The following MYO15A variants were observed in gnomAD, a reference collection of about 807,000 sequenced individuals.
MYO15A encodes the protein myosin XVA, also known as unconventional myosin-XV.
In MYO15A, 308 loss-of-function variants were observed where a neutral mutation model predicts 394.6. That is an observed-to-expected ratio of 0.78 (90% CI 0.71 to 0.86). MYO15A has a LOEUF of 0.86. Ranked by LOEUF, MYO15A falls within the 40% of genes least tolerant of loss-of-function variation. MYO15A has a pLI of 0.00. For synonymous variants in MYO15A, 1,957 were observed against 2,003.8 expected (o/e 0.98, Z 0.62); for missense variants, 4,606 against 4,799.1 (o/e 0.96, Z 1.19).
rs2046361125 is a variant in MYO15A at position 18,140,616 on chromosome 17, G to A, written c.5311G>A (p.Ala1771Thr). ...TCGGCTCTACAAGGCGCACACTGTG[G>A]CCGCCAAGTTCCAGCAGTCACTCCT... is the stretch of plus-strand genomic sequence containing the variant. Reference protein sequence around the residue: ...VTRLYKAHTVAAKFQQSLLDL... With the variant: ...VTRLYKAHTVTAKFQQSLLDL... The change falls in exon 20 of 66, where the codon GCC becomes ACC. Residue 1771 changes from alanine to threonine, a missense_variant. Transcript: ENST00000647165. 1 of 1,613,806 alleles carries A rather than the reference G, an allele frequency of 6.2e-7. No homozygotes were observed.
chr17:18,171,490 C>G, intron 62 of MYO15A, 148 bp from the exon 63 acceptor site: 1 of 1,210,260 alleles, frequency 8.3e-7, no homozygotes, highest in Non-Finnish European at 1.2e-6. Context: ...GGCACCTCTA[C>G]CCCACTTTCA....
rs560062005 is a variant in MYO15A at position 18,121,923 on chromosome 17, C to G, written c.3123C>G (p.Pro1041=). ...TPAPPKDVTP[P]KDITPPKDVL... ...CACCTCCCAAGGATGTCACTCCCCC[C>G]AAGGATATCACTCCCCCCAAGGATG... The change falls in exon 2 of 66, where the codon CCC becomes CCG. Residue 1041 remains proline (P), a synonymous_variant. Coordinates refer to ENST00000647165, the MANE Select transcript of MYO15A (RefSeq NM_016239.4). This position sits in a 1 kb window ranked among gnomAD's most constrained non-coding sequence, Gnocchi z 5.3. 6.2e-7 allele frequency: 1 copy of G among 1,613,274 alleles called. No individual in the cohort carries two copies. Among genetic ancestry groups the G allele is most frequent in the East Asian group, 2.2e-5 (1 of 44,852 alleles).
chr17:18,148,310 A>C lies in MYO15A; in HGVS notation c.6691+100A>C. ...GCCACTGGATGTTCTGGAGCTGGGGAGGGGCCTTCTCAGATGTGGCTCTGC... is the reference window on the plus strand; with the variant it reads ...GCCACTGGATGTTCTGGAGCTGGGGCGGGGCCTTCTCAGATGTGGCTCTGC... On this transcript the variant is annotated intron_variant, in intron 31 of 65. Transcript: ENST00000647165. The surrounding 1 kb of genome is among the most constrained non-coding windows in gnomAD (Gnocchi z 4.8). 4 of 1,533,702 alleles carry C rather than the reference A, an allele frequency of 2.6e-6. No homozygotes were observed. In the South Asian group the frequency reaches 3.5e-5, roughly 13 times the overall value.
At chr17:18,140,941 T>G in intron 21 of MYO15A, 78 bp from the exon 22 acceptor site, 2 of 1,612,752 alleles carry the variant, frequency 1.2e-6, no homozygotes, top group Non-Finnish European at 1.7e-6. Flanking sequence ...AGCCTAGCAC[T>G]GGGAATATTC....
In MYO15A at chr17:18,154,190, G is replaced by C; in HGVS notation, c.8148G>C (p.Gln2716His). The C allele has an allele frequency of 6.2e-7, 1 of 1,613,996 alleles. No individual in the cohort carries two copies. The highest frequency in any genetic ancestry group is 8.5e-7 in the Non-Finnish European group (1 of 1,180,032). The change falls in exon 44 of 66, where the codon CAG becomes CAC. Residue 2716 changes from glutamine (Q) to histidine (H), a missense_variant and splice_region_variant. Coordinates refer to ENST00000647165, the MANE Select transcript of MYO15A (RefSeq NM_016239.4). ...HPVQLDLLFR[Q>H]ILHDTLSEAC... is the part of the protein sequence containing the mutation. ...TGCAGCTTGACCTCCTGTTCCGGCA[G>C]GTGAGGTCCTGTCTCCCCTTTCTGC...
intron 61 of MYO15A, among the ~76,000 whole-genome samples, chr17:18,167,080 A>G (rs963275305): frequency 1.3e-5 from 2 of 152,172 alleles, no homozygotes; most frequent in African/African-American, 4.8e-5. Context: ...GGTCACGTAG[A>G]TTTTGTGGCC....
At position 18,125,226 on chromosome 17, in the gene MYO15A, A is replaced by G; in HGVS notation, c.3751A>G (p.Ile1251Val). The change falls in exon 4 of 66, where the codon ATC (isoleucine) becomes GTC (valine). Residue 1251 changes from isoleucine (I) to valine (V), a missense_variant. By Grantham distance (29) the Ile-to-Val change is conservative (BLOSUM62 3). Coordinates refer to ENST00000647165, the MANE Select transcript of MYO15A (RefSeq NM_016239.4). The part of the protein sequence containing the change: ...NLKIRFERNL[I>V]YTYIGSILVS... ...CAAGATTAGATTTGAACGGAACCTCATCTACGTAAGGCCTGGGGCTGGCCC... is the reference window on the plus strand; with the variant it reads ...CAAGATTAGATTTGAACGGAACCTCGTCTACGTAAGGCCTGGGGCTGGCCC... 4 of 1,614,018 alleles carry G rather than the reference A, an allele frequency of 2.5e-6. No individual in the cohort carries two copies. Among genetic ancestry groups the G allele is most frequent in the Non-Finnish European group, 3.4e-6 (4 of 1,179,938 alleles).
At chr17:18,159,189 TA>T in intron 53 of MYO15A, 85 bp from the exon 54 acceptor site, 1 of 1,527,600 alleles carries the variant, frequency 6.5e-7, no homozygotes, top group Non-Finnish European at 9.0e-7. Flanking sequence ...ACCCTCCTGT[TA>T]TCATATGGCC....
At chr17:18,130,117 G>A (rs908531355) in intron 7 of MYO15A, among the ~76,000 whole-genome samples, 1 of 152,144 alleles carries the variant, frequency 6.6e-6, no homozygotes, top group African/African-American at 2.4e-5. Flanking sequence ...CGGGCCTCGT[G>A]ATCTGCCCAC....
chr17:18,170,002 T>A, intron 62 of MYO15A, among the ~76,000 whole-genome samples: 1 of 130,256 alleles, frequency 7.7e-6, no homozygotes, highest in Non-Finnish European at 1.7e-5. Flanking sequence ...AAAAAACCAT[T>A]AGTGAGAATT....
chr17:18,159,833 A>T (rs577934983), intron 55 of MYO15A, 102 bp from the exon 56 acceptor site: 177 of 1,461,672 alleles, frequency 1.2e-4, no homozygotes, highest in Non-Finnish European at 1.5e-4. Flanking sequence ...TGGGAAAGGG[A>T]CACCAGGCCT....
In MYO15A at chr17:18,172,211, G is replaced by A; in HGVS notation, c.10271G>A (p.Cys3424Tyr). The A allele has an allele frequency of 1.9e-6, 3 of 1,614,192 alleles. No individual in the cohort carries two copies. The highest frequency in any genetic ancestry group is 4.5e-5 in the East Asian group (2 of 44,892). Residue 3424 changes from cysteine (C) to tyrosine (Y), a missense_variant, in exon 64 of 66, where the codon TGC (cysteine) becomes TAC (tyrosine). Physicochemically the swap from Cys to Tyr is radical, Grantham distance 194. Transcript: ENST00000647165. The part of the protein sequence containing the change: ...FGSSFFFIQS[C>Y]SNIAVPAPCI... Reference sequence around the variant, plus strand: ...TCCTCCTTCTTCTTCATCCAGAGCTGCAGCAACATTGCTGTGCCAGCCCCT... The same window carrying A: ...TCCTCCTTCTTCTTCATCCAGAGCTACAGCAACATTGCTGTGCCAGCCCCT...
intron 50 of MYO15A, 126 bp from the exon 51 acceptor site, chr17:18,157,596 G>A: frequency 6.6e-7 from 1 of 1,510,096 alleles, no homozygotes; most frequent in South Asian, 1.3e-5. Context: ...AAATGGGTTT[G>A]ATGGCCTGGC....
chr17:18,119,217 A>G lies in MYO15A; in HGVS notation c.417A>G (p.Lys139=). ...CCACGGCCATCAACTGGCTCACAAA[A>G]AAGTTCCTCCTCAAGAAGGCCGAGG... The part of the protein sequence containing the change: ...KASTAINWLT[K]KFLLKKAEES... Residue 139 remains lysine (K), a synonymous_variant, in exon 2 of 66, where the codon AAA becomes AAG. Coordinates refer to ENST00000647165, the MANE Select transcript of MYO15A (RefSeq NM_016239.4). 6.2e-7 allele frequency: 1 copy of G among 1,612,444 alleles called. No homozygotes were observed. Among genetic ancestry groups the G allele is most frequent in the Non-Finnish European group, 8.5e-7 (1 of 1,179,876 alleles).
intron 15 of MYO15A, among the ~76,000 whole-genome samples, chr17:18,137,312 G>C (rs2046297990): frequency 6.6e-6 from 1 of 152,246 alleles, no homozygotes; most frequent in Non-Finnish European, 1.5e-5. Context: ...GAGGCATGGG[G>C]CTGTTATTCA....
intron 7 of MYO15A, among the ~76,000 whole-genome samples, chr17:18,127,834 GATATATAT>G (rs55650584): frequency 0.014 from 1,790 of 131,038 alleles, 44 homozygotes; most frequent in African/African-American, 0.047. Context: ...GAAAAAAAAA[GATATATAT>G]ATATATATAT....
intron 15 of MYO15A, 89 bp downstream of exon 15, chr17:18,136,775 C>T: frequency 1.3e-6 from 2 of 1,505,274 alleles, no homozygotes; most frequent in Non-Finnish European, 1.8e-6. Flanking sequence ...CCATCCCTTT[C>T]TGTGCCTGCA....
At chr17:18,140,052 G>T (rs1209719622) in intron 19 of MYO15A, among the ~76,000 whole-genome samples, 1 of 152,198 alleles carries the variant, frequency 6.6e-6, no homozygotes, top group African/African-American at 2.4e-5. Context: ...GAGCTTGGGG[G>T]ACCAACTTTG....
In MYO15A at chr17:18,119,140, C is replaced by G; in HGVS notation, c.340C>G (p.Arg114Gly). 6.2e-7 allele frequency: 1 copy of G among 1,611,994 alleles called. No homozygotes were observed. Among genetic ancestry groups the G allele is most frequent in the South Asian group, 1.1e-5 (1 of 91,048 alleles). ...CTTCATGGTGATCCGCTTCCCAGGC[C>G]GCCGTGGCTACGGCCGCCTGCGGCC... ...PSFMVIRFPG[R>G]RGYGRLRPRA... The change falls in exon 2 of 66, where the codon CGC (arginine) becomes GGC (glycine). Residue 114 changes from arginine (R) to glycine (G), a missense_variant. Around this residue, in one of 2 missense-constraint regions of MYO15A, gnomAD observed 1,830 missense variants for 1,689.7 expected, o/e 1.08. Coordinates refer to ENST00000647165, the MANE Select transcript of MYO15A (RefSeq NM_016239.4).
Sources: allele counts gnomAD v4.1 joint callset (sites outside exome capture counted in the v4.1 genomes callset), GRCh38; gene constraint gnomAD v4.1.1; regional missense constraint gnomAD v4.1.1; non-coding constraint Gnocchi (gnomAD v3.1); transcripts MANE v1.5; gene names NCBI Gene and HGNC (gene_info 2026-07-23, HGNC 2026-07-21).